Variants in DYSF observed in about 807,000 individuals in gnomAD.
DYSF encodes dystrophy-associated fer-1-like 1.
DYSF carries 212 observed loss-of-function variants against 274.9 expected under a neutral mutation model. That is an observed-to-expected ratio of 0.77 (90% CI 0.69 to 0.86). DYSF has a LOEUF of 0.86. DYSF is among the 40% of genes least tolerant of loss of function. DYSF has a pLI of 0.00. For missense variants in DYSF, 2,666 were observed against 2,783.2 expected (o/e 0.96, Z 0.95); for synonymous variants, 1,091 against 1,078.7 (o/e 1.01, Z -0.22).
At chr2:71,502,592 A>G (rs914744112) in intron 3 of DYSF, among the ~76,000 whole-genome samples, 1 of 152,078 alleles carries the variant, frequency 6.6e-6, no homozygotes. Flanking sequence ...ACTCTTTCCT[A>G]ATAGCCCATA....
At chr2:71,618,559 AGTGT>A (rs151307817) in intron 40 of DYSF, among the ~76,000 whole-genome samples, 1 of 113,618 alleles carries the variant, frequency 8.8e-6, no homozygotes, top group African/African-American at 3.6e-5. Context: ...GTAGAGGTGG[AGTGT>A]GTGTTTGTGT....
chr2:71,625,210 T>C (rs963531101), intron 41 of DYSF, among the ~76,000 whole-genome samples: 4 of 152,110 alleles, frequency 2.6e-5, no homozygotes, highest in Non-Finnish European at 4.4e-5. Context: ...ATTCTAGATA[T>C]CTTGGGTTAT....
intron 47 of DYSF, among the ~76,000 whole-genome samples, chr2:71,666,659 TC>T (rs2095017115): frequency 6.6e-6 from 1 of 152,210 alleles, no homozygotes; most frequent in Non-Finnish European, 1.5e-5. Flanking sequence ...TTTGACCCAT[TC>T]CCTAGCAGGG....
At chr2:71,504,407 G>A (rs2085286988) in intron 4 of DYSF, among the ~76,000 whole-genome samples, 1 of 152,152 alleles carries the variant, frequency 6.6e-6, no homozygotes. Flanking sequence ...CCCACACAGG[G>A]CTCACTGGCA....
intron 24 of DYSF, among the ~76,000 whole-genome samples, chr2:71,564,434 C>T (rs1367032917): frequency 2.6e-5 from 4 of 152,156 alleles, no homozygotes; most frequent in Admixed American, 2.0e-4. Flanking sequence ...AGGTTTGAGC[C>T]GGAATCACTG....
chr2:71,465,635 A>G (rs531563677), upstream of DYSF, among the ~76,000 whole-genome samples: 2 of 152,272 alleles, frequency 1.3e-5, no homozygotes, highest in East Asian at 3.9e-4. Context: ...AGAATGCTGT[A>G]TCCCTCAAAA....
At chr2:71,542,847 C>A (rs990823029) in intron 17 of DYSF, among the ~76,000 whole-genome samples, 1 of 152,258 alleles carries the variant, frequency 6.6e-6, no homozygotes, top group African/African-American at 2.4e-5. Context: ...TCGACAAAAC[C>A]GCCATCATCA....
At chr2:71,681,319 A>G in intron 54 of DYSF, among the ~76,000 whole-genome samples, 1 of 152,260 alleles carries the variant, frequency 6.6e-6, no homozygotes, top group East Asian at 1.9e-4. Flanking sequence ...TTCAAGATGC[A>G]GGTGCTATTG....
chr2:71,573,248 A>G (rs1279174149), intron 29 of DYSF, among the ~76,000 whole-genome samples: 1 of 152,176 alleles, frequency 6.6e-6, no homozygotes, highest in Non-Finnish European at 1.5e-5. Flanking sequence ...GGTGCTGTGA[A>G]CCAGACAGAT....
intron 32 of DYSF, among the ~76,000 whole-genome samples, chr2:71,595,253 T>C (rs1450670781): frequency 6.6e-6 from 1 of 152,232 alleles, no homozygotes; most frequent in African/African-American, 2.4e-5. Context: ...TTTTTCTTAA[T>C]TTTATAGGAA....
At chr2:71,639,955 G>A (rs1167542246) in intron 41 of DYSF, among the ~76,000 whole-genome samples, 1 of 152,276 alleles carries the variant, frequency 6.6e-6, no homozygotes, top group East Asian at 1.9e-4. Flanking sequence ...TTATGTGTAG[G>A]CACAGTTCTG....
intron 1 of DYSF, among the ~76,000 whole-genome samples, chr2:71,473,251 G>GTGTTTGT (rs2082164256): frequency 6.6e-6 from 1 of 152,222 alleles, no homozygotes; most frequent in Non-Finnish European, 1.5e-5. Context: ...AGGTAATACA[G>GTGTTTGT]GCCTTCCTTC....
chr2:71,469,061 G>A (rs774684153), intron 1 of DYSF, among the ~76,000 whole-genome samples: 2 of 152,268 alleles, frequency 1.3e-5, no homozygotes, highest in African/African-American at 2.4e-5. Flanking sequence ...TAGAGGTTCC[G>A]ATGCAGCAGG....
intron 3 of DYSF, among the ~76,000 whole-genome samples, chr2:71,502,816 T>C (rs1395859462): frequency 6.6e-6 from 1 of 152,126 alleles, no homozygotes; most frequent in Non-Finnish European, 1.5e-5. Flanking sequence ...TGTGTAGACA[T>C]GGGTCATATG....
At chr2:71,578,420 C>G (rs146688302) in intron 30 of DYSF, among the ~76,000 whole-genome samples, 1 of 152,142 alleles carries the variant, frequency 6.6e-6, no homozygotes. Flanking sequence ...GAAATGTGGT[C>G]TTTACTTCTA....
rs142122158 is a variant in DYSF at position 71,553,769 on chromosome 2, C to T, written c.1985-38C>T. ...AGCACCCCATCCCACCCGCCCTCCA[C>T]TCCTGGCACAGCGCTCAGGCCCGTC... On this transcript the variant is annotated intron_variant, in intron 20 of 55. Coordinates refer to ENST00000410020, the MANE Select transcript of DYSF (RefSeq NM_001130987.2). 3.4e-4 allele frequency: 521 copies of T among 1,541,074 alleles called. 2 individuals are homozygous for T. In the East Asian group the frequency reaches 7.3e-3, roughly 22 times the overall value.
intron 1 of DYSF, among the ~76,000 whole-genome samples, chr2:71,460,432 T>C (rs1038556547): frequency 6.6e-6 from 1 of 152,160 alleles, no homozygotes; most frequent in Non-Finnish European, 1.5e-5. Context: ...TGGGTGACCA[T>C]GTACCCAAGT....
At chr2:71,575,075 GGCCCTAGGGAGCAA>G (rs1325806380) in intron 30 of DYSF, among the ~76,000 whole-genome samples, 2 of 152,166 alleles carry the variant, frequency 1.3e-5, no homozygotes, top group Non-Finnish European at 2.9e-5. Flanking sequence ...TTTGGGCTGG[GGCCCTAGGGAGCAA>G]GCCCCATGGG....
At chr2:71,640,798 C>T (rs1431378603) in intron 41 of DYSF, among the ~76,000 whole-genome samples, 5 of 151,528 alleles carry the variant, frequency 3.3e-5, no homozygotes, top group African/African-American at 7.3e-5. Context: ...CTTCATAAAA[C>T]GAATGTAAAA....
Sources: gnomAD v4.1 joint callset for allele counts (sites outside exome capture counted in the v4.1 genomes callset) on GRCh38, gnomAD v4.1.1 for gene constraint, MANE v1.5 for transcripts, NCBI Gene and HGNC (gene_info 2026-07-23, HGNC 2026-07-21) for gene names.